The following EHBP1 variants were observed in gnomAD, a reference collection of about 807,000 sequenced individuals.
EHBP1 encodes the protein EH domain binding protein 1.
A neutral mutation model predicts 144.0 loss-of-function variants in EHBP1; 55 were observed. The ratio of observed to expected loss-of-function variants is 0.38; its 90% CI spans 0.31 to 0.48. EHBP1 has a LOEUF of 0.48. Among genes scored for constraint, EHBP1 ranks in the 20% least tolerant of loss-of-function variants. The probability of loss-of-function intolerance (pLI) is 0.98; values close to 1 mark genes in which losing one functional copy is unlikely to be tolerated. For synonymous variants in EHBP1, 469 were observed against 472.7 expected (o/e 0.99, Z 0.10); for missense variants, 1,200 against 1,364.2 (o/e 0.88, Z 1.90).
At position 62,929,069 on chromosome 2, in the gene EHBP1, G is replaced by A. The variant is rs148352848; in HGVS notation, c.1186-13649G>A. Among the ~76,000 whole-genome samples, 127 of 152,190 alleles carry A rather than the reference G, an allele frequency of 8.3e-4. 1 individual carries two copies. Among genetic ancestry groups the A allele is most frequent in the African/African-American group, 2.7e-3 (113 of 41,532 alleles). The stretch of plus-strand genomic sequence containing the variant: ...GAAAATATGCATAGAGCTCTAATTC[G>A]TAAGAAGAATGAATCAGTAATCAAA... On this transcript the variant is annotated intron_variant, in intron 10 of 22. Coordinates refer to ENST00000431489, the MANE Select transcript of EHBP1 (RefSeq NM_001142616.3).
intron 2 of EHBP1, among the ~76,000 whole-genome samples, chr2:62,723,444 C>G (rs187859142): frequency 5.3e-4 from 80 of 151,870 alleles, no homozygotes; most frequent in Non-Finnish European, 4.0e-4. Context: ...CAGCTTTCCA[C>G]TCTGTGCCTT....
chr2:62,957,594 A>C (rs915529660), intron 14 of EHBP1, among the ~76,000 whole-genome samples: 2 of 151,694 alleles, frequency 1.3e-5, no homozygotes, highest in African/African-American at 2.4e-5. Context: ...AAATTCCCCC[A>C]AAATTACAAG....
At chr2:62,860,466 G>A (rs113774538) in intron 8 of EHBP1, among the ~76,000 whole-genome samples, 12,974 of 151,012 alleles carry the variant, frequency 0.086, 727 homozygotes, top group Non-Finnish European at 0.12. Context: ...CTCCAGCCTG[G>A]GCAACAAGAG....
intron 16 of EHBP1, 28 bp from the exon 17 acceptor site, chr2:62,993,502 C>T (rs761504315): frequency 2.9e-5 from 43 of 1,494,076 alleles, no homozygotes; most frequent in Non-Finnish European, 3.7e-5. Context: ...GATCAGGACT[C>T]TCTTACCATG....
chr2:62,879,029 A>C (rs775946475), intron 10 of EHBP1, among the ~76,000 whole-genome samples: 91 of 152,064 alleles, frequency 6.0e-4, no homozygotes, highest in Non-Finnish European at 7.1e-4. Context: ...AAAAAAAAAA[A>C]AACAAAAAAC....
chr2:62,990,725 G>T lies in EHBP1; in HGVS notation c.2618G>T (p.Ser873Ile). Residue 873 changes from serine to isoleucine, a missense_variant, in exon 16 of 23, where the codon AGT (serine) becomes ATT (isoleucine). By Grantham distance (142) the Ser-to-Ile change is moderately radical (BLOSUM62 -2). This residue lies in a region of EHBP1 where 543 missense variants were observed against 513.1 expected (regional missense o/e 1.06). Coordinates refer to ENST00000431489, the MANE Select transcript of EHBP1 (RefSeq NM_001142616.3). Reference sequence around the variant, plus strand: ...TTTGCATATTTAACAGAACAAAACAGTAAGTTGGTGGACTTGAAGCTGAAG... The same window carrying T: ...TTTGCATATTTAACAGAACAAAACATTAAGTTGGTGGACTTGAAGCTGAAG... ...ERSKASGEQN[S>I]KLVDLKLKKL... is the part of the protein sequence containing the mutation. 6.2e-7 allele frequency: 1 copy of T among 1,613,766 alleles called. No homozygotes were observed. Among genetic ancestry groups the T allele is most frequent in the Non-Finnish European group, 8.5e-7 (1 of 1,179,772 alleles).
rs778945061 is a variant in EHBP1 at position 62,948,939 on chromosome 2, A to G, written c.2093A>G (p.Glu698Gly). The G allele has an allele frequency of 3.1e-6, 5 of 1,613,962 alleles. No individual in the cohort carries two copies. Among genetic ancestry groups the G allele is most frequent in the Non-Finnish European group, 4.2e-6 (5 of 1,179,986 alleles). Reference sequence around the variant, plus strand: ...ACTCTAGACATCGGTAGTAACTTGGAGAAAGAAAAATTAGAGAATTCCAGA... The same window carrying G: ...ACTCTAGACATCGGTAGTAACTTGGGGAAAGAAAAATTAGAGAATTCCAGA... Reference protein sequence around the residue: ...LQTLDIGSNLEKEKLENSRSL... With the variant: ...LQTLDIGSNLGKEKLENSRSL... Residue 698 changes from glutamate to glycine, a missense_variant, in exon 13 of 23, where the codon GAG (glutamate) becomes GGG (glycine). Around this residue, in one of 6 missense-constraint regions of EHBP1, gnomAD observed 543 missense variants for 513.1 expected, o/e 1.06. Transcript: ENST00000431489.
chr2:62,887,996 T>A (rs780512782), intron 10 of EHBP1, among the ~76,000 whole-genome samples: 3 of 152,214 alleles, frequency 2.0e-5, no homozygotes, highest in Non-Finnish European at 2.9e-5. Context: ...TTTTCCCTCC[T>A]ATAGCACATA....
At chr2:62,732,772 A>C (rs1486312613) in intron 2 of EHBP1, among the ~76,000 whole-genome samples, 1 of 152,188 alleles carries the variant, frequency 6.6e-6, no homozygotes, top group Admixed American at 6.5e-5. Flanking sequence ...GGAACAGACT[A>C]ATTCAATACT....
intron 5 of EHBP1, among the ~76,000 whole-genome samples, chr2:62,790,904 A>G (rs933262445): frequency 2.0e-5 from 3 of 152,022 alleles, no homozygotes; most frequent in Admixed American, 6.5e-5. Flanking sequence ...TTAGTGTTGT[A>G]ATATTTTTGT....
chr2:62,675,786 A>C (rs1295364023), intron 1 of EHBP1, among the ~76,000 whole-genome samples: 1 of 152,162 alleles, frequency 6.6e-6, no homozygotes, highest in African/African-American at 2.4e-5. Context: ...TATTATTTTG[A>C]GATGGGTCCT....
rs574954670 is a variant in EHBP1 at position 63,030,151 on chromosome 2, A to G, written c.3104-7384A>G. On this transcript the variant is annotated intron_variant, in intron 19 of 22. Coordinates refer to ENST00000431489, the MANE Select transcript of EHBP1 (RefSeq NM_001142616.3). ...GTAATTATATATCATGCTTGACACT[A>G]CCAGAATTTATAGTTATATCTACAG... Among the ~76,000 whole-genome samples the G allele has an allele frequency of 2.0e-5, 3 of 152,306 alleles. No homozygotes were observed. The South Asian group carries it at 6.2e-4, about 32-fold the overall frequency.
intron 2 of EHBP1, among the ~76,000 whole-genome samples, chr2:62,713,503 C>T (rs1399778425): frequency 1.3e-5 from 2 of 152,076 alleles, no homozygotes; most frequent in African/African-American, 4.8e-5. Context: ...CTCAGCCTCC[C>T]AAAGTACTGG....
At chr2:62,954,506 T>A (rs1186255137) in intron 13 of EHBP1, among the ~76,000 whole-genome samples, 2 of 152,146 alleles carry the variant, frequency 1.3e-5, no homozygotes, top group African/African-American at 2.4e-5. Context: ...CATAACCTTA[T>A]GAAATACTAA....
At chr2:62,850,901 T>A (rs1293874952) in intron 7 of EHBP1, among the ~76,000 whole-genome samples, 7 of 152,124 alleles carry the variant, frequency 4.6e-5, no homozygotes, top group African/African-American at 1.7e-4. Flanking sequence ...TATTTTAGGG[T>A]TTTGACCCAC....
intron 10 of EHBP1, among the ~76,000 whole-genome samples, chr2:62,925,223 C>T (rs1366304110): frequency 6.6e-6 from 1 of 152,230 alleles, no homozygotes; most frequent in East Asian, 1.9e-4. Context: ...ATAAAGGCCA[C>T]ATATGACAAA....
At chr2:62,905,683 G>A (rs184332755) in intron 10 of EHBP1, among the ~76,000 whole-genome samples, 32 of 152,090 alleles carry the variant, frequency 2.1e-4, no homozygotes, top group Admixed American at 3.9e-4. Context: ...AATTAGCCAG[G>A]CGTGGTGACA....
At chr2:63,030,361 A>G (rs559773930) in intron 19 of EHBP1, among the ~76,000 whole-genome samples, 3 of 152,284 alleles carry the variant, frequency 2.0e-5, no homozygotes, top group African/African-American at 7.2e-5. Context: ...ACATGAATGT[A>G]TAAATGCTTA....
At chr2:62,715,973 A>G (rs1290032224) in intron 2 of EHBP1, among the ~76,000 whole-genome samples, 2 of 151,864 alleles carry the variant, frequency 1.3e-5, no homozygotes, top group Non-Finnish European at 2.9e-5. Flanking sequence ...AAAATTTCAC[A>G]TCTTGGAGTA....
Sources: allele counts gnomAD v4.1 joint callset (sites outside exome capture counted in the v4.1 genomes callset), GRCh38; gene constraint gnomAD v4.1.1; regional missense constraint gnomAD v4.1.1; transcripts MANE v1.5; gene names NCBI Gene and HGNC (gene_info 2026-07-23, HGNC 2026-07-21).